Variants in RAB38 observed in about 807,000 individuals in gnomAD.
The protein encoded by RAB38 is RAB38, member RAS oncogene family, also known as ras-related protein Rab-38.
A neutral mutation model predicts 18.4 loss-of-function variants in RAB38; 15 were observed. The ratio of observed to expected loss-of-function variants is 0.82; its 90% CI spans 0.55 to 1.26. The LOEUF is 1.26. Ranked by LOEUF, RAB38 falls within the 50% of genes most tolerant of loss-of-function variation. RAB38 has a pLI of 0.00. For missense variants in RAB38, 294 were observed against 267.4 expected (o/e 1.10, Z -0.69); for synonymous variants, 101 against 104.4 (o/e 0.97, Z 0.20).
chr11:88,056,832 AATACATACATAC>A, the RAB38 span, among the ~76,000 whole-genome samples: 5 of 45,506 alleles, frequency 1.1e-4, no homozygotes, highest in African/African-American at 1.8e-4. Flanking sequence ...TAAATAAATA[AATACATACATAC>A]ATACATACAT....
chr11:88,166,078 A>G (rs966179504), intron 1 of RAB38: 2 of 152,226 alleles, frequency 1.3e-5, no homozygotes, highest in Non-Finnish European at 2.9e-5. Flanking sequence ...AAAGGGAAGG[A>G]CACATGAACC....
the RAB38 span, among the ~76,000 whole-genome samples, chr11:87,877,070 A>G: frequency 6.6e-6 from 1 of 151,612 alleles, no homozygotes; most frequent in Non-Finnish European, 1.5e-5. Flanking sequence ...TTGTGTATAA[A>G]GAGTATAAAC....
chr11:87,804,569 C>G, the RAB38 span, among the ~76,000 whole-genome samples: 1 of 152,044 alleles, frequency 6.6e-6, no homozygotes, highest in South Asian at 2.1e-4. Flanking sequence ...GTATTCCACT[C>G]AGATTTTTTT....
chr11:88,157,994 G>A (rs75842210), intron 1 of RAB38, among the ~76,000 whole-genome samples: 5,557 of 151,852 alleles, frequency 0.037, 152 homozygotes, highest in Non-Finnish European at 0.058. Flanking sequence ...AGCAAATGTC[G>A]GTTCTTTGAA....
the RAB38 span, among the ~76,000 whole-genome samples, chr11:88,077,354 T>TA: frequency 4.5e-4 from 68 of 151,738 alleles, no homozygotes; most frequent in Non-Finnish European, 7.5e-4. Context: ...CAATCCTGAT[T>TA]AAAAAAAACA....
chr11:88,081,405 T>C, the RAB38 span, among the ~76,000 whole-genome samples: 1 of 151,910 alleles, frequency 6.6e-6, no homozygotes, highest in Non-Finnish European at 1.5e-5. Context: ...CCTGACAACT[T>C]AAAACAACAG....
At chr11:88,123,787 T>G (rs1005437469) in intron 2 of RAB38, among the ~76,000 whole-genome samples, 1 of 152,214 alleles carries the variant, frequency 6.6e-6, no homozygotes, top group Non-Finnish European at 1.5e-5. Context: ...GAATTAGGAA[T>G]ATTTTACTGG....
At chr11:87,945,559 A>G in the RAB38 span, among the ~76,000 whole-genome samples, 1 of 152,172 alleles carries the variant, frequency 6.6e-6, no homozygotes, top group East Asian at 1.9e-4. Context: ...AAGGAGCAGT[A>G]AGGATGTAGA....
chr11:88,026,786 T>C, the RAB38 span, among the ~76,000 whole-genome samples: 1 of 152,074 alleles, frequency 6.6e-6, no homozygotes, highest in Non-Finnish European at 1.5e-5. Flanking sequence ...TAATAATTGA[T>C]TCAGAGAAAT....
chr11:87,821,504 G>C, the RAB38 span, among the ~76,000 whole-genome samples: 1 of 152,174 alleles, frequency 6.6e-6, no homozygotes, highest in African/African-American at 2.4e-5. Context: ...ACTGCAAGAA[G>C]CCAAAGCAAA....
At chr11:88,166,221 T>C (rs186268751) in intron 1 of RAB38, 32 of 152,168 alleles carry the variant, frequency 2.1e-4, no homozygotes, top group Admixed American at 1.7e-3. Flanking sequence ...GAAAATGATA[T>C]TAGAAATGCT....
the RAB38 span, among the ~76,000 whole-genome samples, chr11:87,874,468 G>A: frequency 2.0e-5 from 3 of 151,288 alleles, no homozygotes; most frequent in Non-Finnish European, 3.0e-5. Context: ...TGGCTTACAG[G>A]AAGGGGAACA....
At chr11:87,867,152 C>G in the RAB38 span, among the ~76,000 whole-genome samples, 1 of 151,762 alleles carries the variant, frequency 6.6e-6, no homozygotes, top group African/African-American at 2.4e-5. Flanking sequence ...TCCAGGCCCA[C>G]TACCACATGC....
chr11:87,953,769 C>T, the RAB38 span, among the ~76,000 whole-genome samples: 24 of 151,804 alleles, frequency 1.6e-4, no homozygotes, highest in African/African-American at 4.4e-4. Context: ...ATGAAAATAT[C>T]TGTATTGCTT....
the RAB38 span, among the ~76,000 whole-genome samples, chr11:87,911,167 A>G: frequency 2.0e-5 from 3 of 152,032 alleles, no homozygotes; most frequent in Non-Finnish European, 2.9e-5. Flanking sequence ...AGACTTGACT[A>G]TAGTAACTAC....
At chr11:88,037,336 A>T in the RAB38 span, among the ~76,000 whole-genome samples, 1 of 151,950 alleles carries the variant, frequency 6.6e-6, no homozygotes, top group Non-Finnish European at 1.5e-5. Flanking sequence ...TTCACCTTTT[A>T]TTCTTTGCAT....
the RAB38 span, among the ~76,000 whole-genome samples, chr11:87,969,624 G>C: frequency 6.6e-6 from 1 of 152,072 alleles, no homozygotes; most frequent in African/African-American, 2.4e-5. Flanking sequence ...GAAGATCAAG[G>C]AGCCTGGAAA....
At chr11:87,894,960 G>T in the RAB38 span, among the ~76,000 whole-genome samples, 23 of 151,688 alleles carry the variant, frequency 1.5e-4, 1 homozygote, top group East Asian at 4.5e-3. Context: ...TCCTGGAACA[G>T]CTACAAGCTA....
the RAB38 span, among the ~76,000 whole-genome samples, chr11:88,078,926 T>G: frequency 6.6e-6 from 1 of 151,890 alleles, no homozygotes; most frequent in African/African-American, 2.4e-5. Flanking sequence ...GGTAATGAAT[T>G]TCATAGTTAC....
Sources: allele counts gnomAD v4.1 joint callset (sites outside exome capture counted in the v4.1 genomes callset), GRCh38; gene constraint gnomAD v4.1.1; transcripts MANE v1.5; gene names NCBI Gene and HGNC (gene_info 2026-07-23, HGNC 2026-07-21).